WDR17: variants seen among roughly 807,000 people sequenced by gnomAD.
The protein encoded by WDR17 is WD repeat domain 17.
WDR17 carries 143 observed loss-of-function variants against 161.7 expected under a neutral mutation model. The observed-to-expected ratio is 0.88, with a 90% CI of 0.77 to 1.02. The LOEUF is 1.02. Ranked by LOEUF, WDR17 falls within the 50% of genes least tolerant of loss-of-function variation. WDR17 has a pLI of 0.00. For synonymous variants in WDR17, 517 were observed against 515.6 expected (o/e 1.00, Z -0.04); for missense variants, 1,469 against 1,520.9 (o/e 0.97, Z 0.57).
chr4:176,102,542 A>G (rs756747812), intron 1 of WDR17, among the ~76,000 whole-genome samples: 6 of 152,250 alleles, frequency 3.9e-5, no homozygotes, highest in Non-Finnish European at 7.3e-5. Context: ...AAAGCAGCAC[A>G]TGGATGTTTA....
intron 1 of WDR17, among the ~76,000 whole-genome samples, chr4:176,101,112 G>C (rs1737756821): frequency 6.6e-6 from 1 of 152,158 alleles, no homozygotes; most frequent in Non-Finnish European, 1.5e-5. Context: ...GTGGCATTCT[G>C]TTCTTAAAAC....
At chr4:176,154,778 T>C (rs1048471395) in intron 17 of WDR17, among the ~76,000 whole-genome samples, 2 of 152,150 alleles carry the variant, frequency 1.3e-5, no homozygotes, top group African/African-American at 2.4e-5. Context: ...AATTTTCTAG[T>C]GATAATTGCA....
intron 3 of WDR17, among the ~76,000 whole-genome samples, chr4:176,116,372 G>T (rs1329243305): frequency 6.6e-6 from 1 of 151,776 alleles, no homozygotes; most frequent in Non-Finnish European, 1.5e-5. Flanking sequence ...GCATATATTT[G>T]ATGCATTGTT....
chr4:176,077,817 A>G (rs1215953275), intron 1 of WDR17, among the ~76,000 whole-genome samples: 3 of 152,030 alleles, frequency 2.0e-5, no homozygotes, highest in African/African-American at 7.2e-5. Context: ...AAGCAATTCT[A>G]CATATCTCCT....
At chr4:176,140,027 C>G (rs1216814527) in intron 10 of WDR17, 53 bp downstream of exon 10, 2 of 1,404,622 alleles carry the variant, frequency 1.4e-6, no homozygotes, top group African/African-American at 1.4e-5. Context: ...ATAAAGCACT[C>G]ATTTGATCAT....
chr4:176,067,517 TA>T (rs1732683850), intron 1 of WDR17, among the ~76,000 whole-genome samples: 2 of 152,240 alleles, frequency 1.3e-5, no homozygotes, highest in South Asian at 4.1e-4. Flanking sequence ...TAGAACTGCT[TA>T]AAAAACTGTG....
chr4:176,153,431 G>A (rs1423158872), intron 17 of WDR17, among the ~76,000 whole-genome samples: 1 of 152,178 alleles, frequency 6.6e-6, no homozygotes. Context: ...TAGTAGATGG[G>A]TAGTGACTGC....
chr4:176,155,548 T>TTTTTTTGTTTTGTTTTGTTTTG (rs1747951476), intron 17 of WDR17, among the ~76,000 whole-genome samples: 7 of 138,780 alleles, frequency 5.0e-5, no homozygotes, highest in African/African-American at 1.4e-4. Flanking sequence ...TGTTTGTGTT[T>TTTTTTTGTTTTGTTTTGTTTTG]TTTTTTTTTT....
chr4:176,125,010 A>C (rs1742224073), intron 4 of WDR17, 94 bp from the exon 5 acceptor site: 2 of 1,376,572 alleles, frequency 1.5e-6, no homozygotes, highest in Non-Finnish European at 2.0e-6. Context: ...ATACCCTCAG[A>C]GATAGATATT....
At position 176,119,877 on chromosome 4, in the gene WDR17, T is replaced by C. The variant is rs1418845783; in HGVS notation, c.318T>C (p.Ala106=). The change falls in exon 4 of 29, where the codon GCT becomes GCC. Residue 106 remains alanine (A), a synonymous_variant. Transcript: ENST00000508596. ...AKLDSTKGIP[A]SLSWCWNAED... ...TTTAATGTATTCCAGGGATCCCTGC[T>C]TCTCTTAGTTGGTGCTGGAATGCAG... 1.7e-5 allele frequency: 28 copies of C among 1,614,040 alleles called. No homozygotes were observed. Among genetic ancestry groups the C allele is most frequent in the Non-Finnish European group, 2.4e-5 (28 of 1,179,890 alleles).
chr4:176,175,351 A>G (rs1277392853), intron 26 of WDR17, among the ~76,000 whole-genome samples: 2 of 152,218 alleles, frequency 1.3e-5, no homozygotes, highest in Admixed American at 1.3e-4. Flanking sequence ...ATAACCTGTT[A>G]GCCATACTCC....
At chr4:176,164,511 G>A (rs898151841) in intron 22 of WDR17, among the ~76,000 whole-genome samples, 1 of 152,100 alleles carries the variant, frequency 6.6e-6, no homozygotes, top group Non-Finnish European at 1.5e-5. Context: ...AATACATTTT[G>A]TATTTAGACT....
At chr4:176,114,932 A>G (rs6841227) in intron 2 of WDR17, among the ~76,000 whole-genome samples, 39,231 of 151,386 alleles carry the variant, frequency 0.26, 5,280 homozygotes, top group African/African-American at 0.32. Flanking sequence ...ATAGAGAAAC[A>G]AGAAGTTCAG....
chr4:176,148,390 T>G lies in WDR17; in HGVS notation c.1897+55T>G, dbSNP rs1048346234. ...TGTTATATTGACATACTAATGATGC[T>G]TATAACTTCTGAGGAATACAGTATT... On this transcript the variant is annotated intron_variant, in intron 13 of 28. Transcript: ENST00000508596. 2.0e-6 allele frequency: 3 copies of G among 1,474,774 alleles called. No homozygotes were observed. The Admixed American group carries it at 5.3e-5, about 26-fold the overall frequency. The allele number at this position is 1,474,774 out of a possible 1,614,324, so 91.4% of individuals were successfully genotyped here.
rs1422987555 is a variant in WDR17, at chr4:176,177,491, A to T, written c.3569A>T (p.Tyr1190Phe). 1 of 1,574,678 alleles carries T rather than the reference A, an allele frequency of 6.4e-7. No homozygotes were observed. Among genetic ancestry groups the T allele is most frequent in the Non-Finnish European group, 8.6e-7 (1 of 1,168,938 alleles). ...STNRSLEDSP[Y>F]TPPSDSQRMI... The stretch of plus-strand genomic sequence containing the variant: ...TATAGATCATTAGAAGACTCTCCGT[A>T]TACACCCCCTTCTGATTCACAAAGA... The change falls in exon 28 of 29, where the codon TAT (tyrosine) becomes TTT (phenylalanine). Residue 1190 changes from tyrosine to phenylalanine, a missense_variant. Tyr to Phe is a conservative substitution (Grantham distance 22). Transcript: ENST00000508596.
At chr4:176,098,815 A>G (rs1455084102) in intron 1 of WDR17, among the ~76,000 whole-genome samples, 1 of 151,156 alleles carries the variant, frequency 6.6e-6, no homozygotes, top group Non-Finnish European at 1.5e-5. Flanking sequence ...AAAAATATCT[A>G]TTTTTTTTGA....
At chr4:176,176,032 A>G (rs1327018997) in intron 26 of WDR17, among the ~76,000 whole-genome samples, 2 of 152,222 alleles carry the variant, frequency 1.3e-5, no homozygotes, top group East Asian at 3.8e-4. Context: ...CTCTTTCTAC[A>G]TAGGTAGCAT....
At chr4:176,135,884 G>T (rs2126772128) in intron 8 of WDR17, among the ~76,000 whole-genome samples, 1 of 151,498 alleles carries the variant, frequency 6.6e-6, no homozygotes, top group Non-Finnish European at 1.5e-5. Context: ...ATATGTAATG[G>T]TTTACTTATT....
rs550246883 is a variant in WDR17, at chr4:176,121,221, A to C, written c.538+1124A>C. 2.6e-5 allele frequency among the ~76,000 whole-genome samples: 4 copies of C among 152,316 alleles called. No individual in the cohort carries two copies. In the South Asian group the frequency reaches 8.3e-4, roughly 32 times the overall value. ...TTGTTGTACCAAGCACCTGCACTGC[A>C]ACTTATCTGTTCTGTCCTTGCACTG... On this transcript the variant is annotated intron_variant, in intron 4 of 28. Transcript: ENST00000508596.
Sources: gnomAD v4.1 joint callset for allele counts (sites outside exome capture counted in the v4.1 genomes callset) on GRCh38, gnomAD v4.1.1 for gene constraint, MANE v1.5 for transcripts, NCBI Gene and HGNC (gene_info 2026-07-23, HGNC 2026-07-21) for gene names.